The following CSMD3 variants were observed in gnomAD, a reference collection of about 807,000 sequenced individuals.
CSMD3 encodes the protein CUB and Sushi multiple domains 3, also known as CUB and sushi domain-containing protein 3.
A neutral mutation model predicts 435.2 loss-of-function variants in CSMD3; 177 were observed. That is an observed-to-expected ratio of 0.41 (90% CI 0.36 to 0.46). The LOEUF (loss-of-function observed/expected upper bound fraction) is 0.46. Ranked by LOEUF, CSMD3 falls within the 20% of genes least tolerant of loss-of-function variation. The pLI, the probability that CSMD3 is intolerant of heterozygous loss-of-function variation, is 0.34. For synonymous variants in CSMD3, 1,656 were observed against 1,520.5 expected (o/e 1.09, Z -2.07); for missense variants, 4,265 against 4,504.6 (o/e 0.95, Z 1.52).
At chr8:113,356,794 A>T (rs759680982) in intron 1 of CSMD3, among the ~76,000 whole-genome samples, 1 of 152,166 alleles carries the variant, frequency 6.6e-6, no homozygotes, top group Non-Finnish European at 1.5e-5. Flanking sequence ...AGCTAATGAC[A>T]TCTACTTAGG....
chr8:112,569,400 GT>G (rs1215139266), intron 24 of CSMD3, among the ~76,000 whole-genome samples: 1 of 152,092 alleles, frequency 6.6e-6, no homozygotes, highest in East Asian at 1.9e-4. Context: ...CCATGGTAAG[GT>G]TTTCCATTAG....
intron 7 of CSMD3, among the ~76,000 whole-genome samples, chr8:112,955,246 A>G (rs1478308777): frequency 6.6e-6 from 1 of 151,708 alleles, no homozygotes; most frequent in Non-Finnish European, 1.5e-5. Context: ...AAAGTTTAAA[A>G]TTTATTTTAA....
At chr8:113,382,763 T>G (rs1016413771) in intron 1 of CSMD3, among the ~76,000 whole-genome samples, 1 of 152,078 alleles carries the variant, frequency 6.6e-6, no homozygotes, top group East Asian at 1.9e-4. Context: ...GAGGATCACT[T>G]GAGGTCAGGA....
Position 113,278,522 on chromosome 8 carries a change from C to G in CSMD3, c.514+70G>C, listed in dbSNP as rs557193734. 25 of 766,252 alleles carry G rather than the reference C, an allele frequency of 3.3e-5. No individual in the cohort carries two copies. The African/African-American group carries it at 4.0e-4, about 12-fold the overall frequency. 47.5% of individuals were successfully genotyped at this position (766,252 alleles called of 1,614,324 possible). On this transcript the variant is annotated intron_variant, in intron 3 of 70. Transcript: ENST00000297405. Reference sequence around the variant, plus strand: ...GATGTTGTCTCAAATGTTGATTCTTCTTTCCTACTTGAAAAATTTTGTTAG... The same window carrying G: ...GATGTTGTCTCAAATGTTGATTCTTGTTTCCTACTTGAAAAATTTTGTTAG...
intron 5 of CSMD3, among the ~76,000 whole-genome samples, chr8:113,086,510 CAAAATATAT>C (rs2089785085): frequency 5.1e-5 from 1 of 19,592 alleles, no homozygotes; most frequent in Non-Finnish European, 6.9e-5. Context: ...AAAATAAATT[CAAAATATAT>C]TCAAAATATA....
At chr8:112,611,635 C>T (rs1833270616) in intron 22 of CSMD3, among the ~76,000 whole-genome samples, 1 of 152,072 alleles carries the variant, frequency 6.6e-6, no homozygotes, top group African/African-American at 2.4e-5. Context: ...ATGGCTGTGT[C>T]ATTCAAACTA....
intron 1 of CSMD3, among the ~76,000 whole-genome samples, chr8:113,374,908 C>T (rs1249370762): frequency 1.3e-5 from 2 of 148,878 alleles, no homozygotes; most frequent in East Asian, 2.0e-4. Flanking sequence ...TTAATGCTGC[C>T]TATACCTTTA....
rs2130814745 is a variant in CSMD3, at chr8:112,311,117, A to C, written c.7746T>G (p.Ser2582Arg). The change falls in exon 50 of 71, where the codon AGT becomes AGG. Residue 2582 changes from serine to arginine, a missense_variant. Ser to Arg is a moderately radical substitution (Grantham distance 110). Transcript: ENST00000297405. ...PESPPHGYII[S>R]QTGGQLNSVV... ...CACTGTTAAGCTGCCCACCTGTCTG[A>C]CTGATAATATATCCATGAGGTGGGG... The C allele has an allele frequency of 6.2e-7, 1 of 1,614,072 alleles. No individual in the cohort carries two copies. Among genetic ancestry groups the C allele is most frequent in the Non-Finnish European group, 8.5e-7 (1 of 1,179,982 alleles).
At chr8:113,429,456 T>G (rs966253742) in intron 1 of CSMD3, among the ~76,000 whole-genome samples, 2 of 151,982 alleles carry the variant, frequency 1.3e-5, no homozygotes, top group Non-Finnish European at 2.9e-5. Context: ...TTTTGAGACA[T>G]GAAAAAGTCA....
chr8:112,539,924 C>A (rs1315732322), intron 27 of CSMD3, among the ~76,000 whole-genome samples: 2 of 152,028 alleles, frequency 1.3e-5, no homozygotes, highest in Admixed American at 6.6e-5. Flanking sequence ...TAAACAGCTT[C>A]TGTAAAGCAA....
At chr8:112,521,459 T>G (rs181883363) in intron 27 of CSMD3, among the ~76,000 whole-genome samples, 56 of 152,114 alleles carry the variant, frequency 3.7e-4, no homozygotes, top group African/African-American at 1.3e-3. Context: ...TTTTTTGGCC[T>G]CCGATTCATC....
chr8:112,426,554 T>C (rs1487384812), intron 32 of CSMD3, among the ~76,000 whole-genome samples: 1 of 152,194 alleles, frequency 6.6e-6, no homozygotes, highest in Non-Finnish European at 1.5e-5. Flanking sequence ...ACTTTGCTTA[T>C]GCTAGACTAT....
chr8:112,694,970 G>A (rs528750002), intron 13 of CSMD3, among the ~76,000 whole-genome samples: 6 of 152,218 alleles, frequency 3.9e-5, no homozygotes, highest in African/African-American at 7.2e-5. Flanking sequence ...GCAGCCCACC[G>A]AGTGTGAGCC....
chr8:112,911,323 T>C (rs2082404934), intron 10 of CSMD3, among the ~76,000 whole-genome samples: 1 of 151,954 alleles, frequency 6.6e-6, no homozygotes, highest in African/African-American at 2.4e-5. Flanking sequence ...GATATTTTGA[T>C]ATTTGTCTAC....
At chr8:113,107,891 A>G (rs1339415905) in intron 4 of CSMD3, among the ~76,000 whole-genome samples, 2 of 152,200 alleles carry the variant, frequency 1.3e-5, no homozygotes, top group African/African-American at 2.4e-5. Context: ...AAACTACTAT[A>G]CCTACATATA....
intron 24 of CSMD3, among the ~76,000 whole-genome samples, chr8:112,558,673 G>A (rs1828347678): frequency 6.6e-6 from 1 of 151,752 alleles, no homozygotes; most frequent in African/African-American, 2.4e-5. Flanking sequence ...ATAATTGGTC[G>A]GTGCGAGGAA....
intron 3 of CSMD3, among the ~76,000 whole-genome samples, chr8:113,239,217 A>T (rs1407508040): frequency 6.6e-6 from 1 of 152,080 alleles, no homozygotes; most frequent in Non-Finnish European, 1.5e-5. Flanking sequence ...GTGCACCACC[A>T]GGTCTCCTGG....
chr8:112,410,843 C>A (rs1396559991), intron 32 of CSMD3, among the ~76,000 whole-genome samples: 1 of 148,638 alleles, frequency 6.7e-6, no homozygotes, highest in Non-Finnish European at 1.5e-5. Flanking sequence ...TACAAAGTAG[C>A]CGGAAAAAAG....
chr8:112,276,043 G>C (rs1818004351), intron 59 of CSMD3, among the ~76,000 whole-genome samples: 1 of 152,176 alleles, frequency 6.6e-6, no homozygotes, highest in Admixed American at 6.5e-5. Context: ...TCAGAAGGAA[G>C]TTAGTTACTT....
Sources: allele counts gnomAD v4.1 joint callset (sites outside exome capture counted in the v4.1 genomes callset), GRCh38; gene constraint gnomAD v4.1.1; transcripts MANE v1.5; gene names NCBI Gene and HGNC (gene_info 2026-07-23, HGNC 2026-07-21).